Variants in COL5A1 observed in about 807,000 individuals in gnomAD.
COL5A1 encodes the protein collagen alpha-1(V) chain.
A neutral mutation model predicts 263.7 loss-of-function variants in COL5A1; 16 were observed. The ratio of observed to expected loss-of-function variants is 0.06; its 90% CI spans 0.04 to 0.09. COL5A1 has a LOEUF of 0.09. Among genes scored for constraint, COL5A1 ranks in the 10% least tolerant of loss-of-function variants. The pLI is 1.00. For synonymous variants in COL5A1, 1,012 were observed against 1,004.5 expected (o/e 1.01, Z -0.14); for missense variants, 2,036 against 2,540.5 (o/e 0.80, Z 4.27).
chr9:134,762,401 G>A (rs1229281380), intron 19 of COL5A1, among the ~76,000 whole-genome samples: 1 of 152,210 alleles, frequency 6.6e-6, no homozygotes, highest in Non-Finnish European at 1.5e-5. Context: ...AGAAGAGGGT[G>A]GGGGGATTGG....
At chr9:134,744,825 A>G (rs892384215) in intron 11 of COL5A1, among the ~76,000 whole-genome samples, 2 of 152,000 alleles carry the variant, frequency 1.3e-5, no homozygotes, top group East Asian at 3.9e-4. Flanking sequence ...ACACTCATGC[A>G]TGCATGCACA....
intron 36 of COL5A1, 47 bp downstream of exon 36, chr9:134,796,948 AAACCCACC>A (rs1837933636): frequency 7.4e-6 from 2 of 270,490 alleles, no homozygotes; most frequent in African/African-American, 9.9e-4. Flanking sequence ...GTCCCCTCCA[AAACCCACC>A]TGTCCCCTCC....
rs1423886337 is a variant in COL5A1 at position 134,678,362 on chromosome 9, C to T, written c.110-12550C>T. Among the ~76,000 whole-genome samples, 1 of 152,210 alleles carries T rather than the reference C, an allele frequency of 6.6e-6. No individual in the cohort carries two copies. The highest frequency in any genetic ancestry group is 2.4e-5 in the African/African-American group (1 of 41,460). On this transcript the variant is annotated intron_variant, in intron 1 of 65. Transcript: ENST00000371817. This position sits in a 1 kb window ranked among gnomAD's most constrained non-coding sequence, Gnocchi z 5.5. Reference sequence around the variant, plus strand: ...GAGCACATAACAGGTGCACAGTCCTCAGCTGCCCCTCCCCCATGGTGCTCG... The same window carrying T: ...GAGCACATAACAGGTGCACAGTCCTTAGCTGCCCCTCCCCCATGGTGCTCG...
At chr9:134,753,537 TG>T (rs2132688992) in intron 14 of COL5A1, among the ~76,000 whole-genome samples, 1 of 152,310 alleles carries the variant, frequency 6.6e-6, no homozygotes, top group South Asian at 2.1e-4. Flanking sequence ...AGCTTTGGGC[TG>T]TAACGGACCA....
intron 23 of COL5A1, 120 bp downstream of exon 23, chr9:134,767,173 T>G: frequency 7.1e-7 from 1 of 1,404,668 alleles, no homozygotes; most frequent in South Asian, 1.2e-5. Flanking sequence ...GCCCCTCCCC[T>G]TATCTGGAGG....
At chr9:134,773,631 C>G (rs992404388) in intron 26 of COL5A1, among the ~76,000 whole-genome samples, 1 of 152,240 alleles carries the variant, frequency 6.6e-6, no homozygotes, top group East Asian at 1.9e-4. Context: ...TCTCTTGAAG[C>G]AGGGCCTGTG....
intron 63 of COL5A1, among the ~76,000 whole-genome samples, chr9:134,826,851 TGGG>T (rs200646388): frequency 0.014 from 2,043 of 149,434 alleles, 45 homozygotes; most frequent in African/African-American, 0.047. Context: ...ATATGGTGTG[TGGG>T]TGTGTGTGGC....
chr9:134,673,508 A>G (rs77800980), intron 1 of COL5A1, among the ~76,000 whole-genome samples: 2,007 of 152,028 alleles, frequency 0.013, 16 homozygotes, highest in Non-Finnish European at 0.02. Context: ...AAACAACTGG[A>G]TATCTATTTG....
At position 134,794,931 on chromosome 9, in the gene COL5A1, T is replaced by G; in HGVS notation, c.2701-151T>G. 1 of 799,068 alleles carries G rather than the reference T, an allele frequency of 1.3e-6. No homozygotes were observed. Among genetic ancestry groups the G allele is most frequent in the South Asian group, 1.5e-5 (1 of 68,244 alleles). 49.5% of individuals were successfully genotyped at this position (799,068 alleles called of 1,614,324 possible). Reference sequence around the variant, plus strand: ...GCTTCTCGCCCTGATAAATCTCCTATTAAAACACGGAAAAGGTGGGTGGCG... The same window carrying G: ...GCTTCTCGCCCTGATAAATCTCCTAGTAAAACACGGAAAAGGTGGGTGGCG... On this transcript the variant is annotated intron_variant, in intron 32 of 65. Coordinates refer to ENST00000371817, the MANE Select transcript of COL5A1 (RefSeq NM_000093.5). This position sits in a 1 kb window ranked among gnomAD's most constrained non-coding sequence, Gnocchi z 4.3.
At chr9:134,694,198 C>G (rs1445683004) in intron 2 of COL5A1, among the ~76,000 whole-genome samples, 1 of 152,270 alleles carries the variant, frequency 6.6e-6, no homozygotes, top group Non-Finnish European at 1.5e-5. Flanking sequence ...TCACACACCC[C>G]TCGGCAAATC....
intron 37 of COL5A1, 61 bp downstream of exon 37, chr9:134,798,522 G>T (rs1258463976): frequency 9.8e-6 from 15 of 1,531,538 alleles, no homozygotes; most frequent in Non-Finnish European, 1.4e-5. Flanking sequence ...CTGCACGTGG[G>T]CACAGCCCTC....
At chr9:134,675,962 GA>G in intron 1 of COL5A1, among the ~76,000 whole-genome samples, 1 of 152,172 alleles carries the variant, frequency 6.6e-6, no homozygotes, top group East Asian at 1.9e-4. Flanking sequence ...TAAGGGAGGG[GA>G]CATAGACCCC....
rs150275820 is a variant in COL5A1 at position 134,824,471 on chromosome 9, C to T, written c.4699-129C>T. On this transcript the variant is annotated intron_variant, in intron 61 of 65. Transcript: ENST00000371817. The stretch of plus-strand genomic sequence containing the variant: ...AAACAGTTCTAAGGCGGACAGATGT[C>T]CATGTAGCCCAGGTTGCCAGGCCCC... The T allele has an allele frequency of 1.4e-4, 154 of 1,135,954 alleles. No homozygotes were observed. The African/African-American group carries it at 2.0e-3, about 15-fold the overall frequency. The allele number at this position is 1,135,954 out of a possible 1,614,324, so 70.4% of individuals were successfully genotyped here.
intron 25 of COL5A1, among the ~76,000 whole-genome samples, chr9:134,770,281 T>A (rs936378878): frequency 6.6e-6 from 1 of 152,244 alleles, no homozygotes. Context: ...AAGATTGCCT[T>A]AAAATCCATC....
chr9:134,791,646 T>G (rs1182652944), intron 32 of COL5A1, among the ~76,000 whole-genome samples: 1 of 151,900 alleles, frequency 6.6e-6, no homozygotes, highest in East Asian at 1.9e-4. Flanking sequence ...AAGCCTCACT[T>G]AGGTTACCCA....
At chr9:134,719,332 A>G (rs1017466016) in intron 4 of COL5A1, among the ~76,000 whole-genome samples, 2 of 152,260 alleles carry the variant, frequency 1.3e-5, no homozygotes, top group Admixed American at 1.3e-4. Flanking sequence ...CACACCGCAC[A>G]TGTGAATGCA....
rs762668603 is a variant in COL5A1 at position 134,784,945 on chromosome 9, T to TGC, written c.2485-43_2485-42insCG. The TGC allele has an allele frequency of 9.2e-5, 115 of 1,252,390 alleles. 1 individual carries two copies. The African/African-American group carries it at 1.9e-3, about 21-fold the overall frequency. 77.6% of individuals were successfully genotyped at this position (1,252,390 alleles called of 1,614,324 possible). A position where few individuals can be genotyped will look rare whatever the true frequency, so the allele number is the denominator to read the frequency against. On this transcript the variant is annotated intron_variant, in intron 29 of 65. Transcript: ENST00000371817. ...CAGAATGGTGGTGGAGAATAGTGTGTGTGCGGGGGGTGGTCTTCTCACCTC... is the reference window on the plus strand; with the variant it reads ...CAGAATGGTGGTGGAGAATAGTGTGTGCGTGCGGGGGGTGGTCTTCTCACCTC...
chr9:134,771,099 GA>G (rs1255647753), intron 25 of COL5A1, among the ~76,000 whole-genome samples: 11 of 152,384 alleles, frequency 7.2e-5, no homozygotes, highest in African/African-American at 2.6e-4. Flanking sequence ...GCTGTGTGCA[GA>G]TGTGCTGTTA....
chr9:134,645,323 C>G (rs1046602337), intron 1 of COL5A1, among the ~76,000 whole-genome samples: 1 of 152,222 alleles, frequency 6.6e-6, no homozygotes, highest in Non-Finnish European at 1.5e-5. Flanking sequence ...CGCTGCCTGG[C>G]CTGTCTGCCT....
Sources: gnomAD v4.1 joint callset for allele counts (sites outside exome capture counted in the v4.1 genomes callset) on GRCh38, gnomAD v4.1.1 for gene constraint, Gnocchi (gnomAD v3.1) non-coding constraint, MANE v1.5 for transcripts, NCBI Gene and HGNC (gene_info 2026-07-23, HGNC 2026-07-21) for gene names.